Variants in HIGD1C observed in about 807,000 individuals in gnomAD.
HIGD1C encodes HIG1 domain family member 1C.
HIGD1C carries 11 observed loss-of-function variants against 13.1 expected under a neutral mutation model. The ratio of observed to expected loss-of-function variants is 0.84; its 90% CI spans 0.53 to 1.39. The LOEUF (loss-of-function observed/expected upper bound fraction) is 1.39. Among genes scored for constraint, HIGD1C ranks in the 40% most tolerant of loss-of-function variants. The pLI is 0.00. For missense variants in HIGD1C, 110 were observed against 112.0 expected, an observed-to-expected ratio of 0.98 and a Z score of 0.08; for synonymous variants, 36 against 37.7, an observed-to-expected ratio of 0.95 and a Z score of 0.17.
At chr12:50,969,152 G>T (rs984631131) in intron 2 of HIGD1C, among the ~76,000 whole-genome samples, 1 of 151,506 alleles carries the variant, frequency 6.6e-6, no homozygotes, top group African/African-American at 2.4e-5. Flanking sequence ...AAATTAGCTG[G>T]GTGTGGTGGC....
At chr12:50,949,250 G>T (rs139936152), upstream of HIGD1C, 2 of 154,032 alleles carry the variant, frequency 1.3e-5, no homozygotes, top group Middle Eastern at 5.2e-4. Context: ...TCTCCCCCTT[G>T]TTCTTTTTGC....
upstream of HIGD1C, among the ~76,000 whole-genome samples, chr12:50,952,663 G>A (rs989923007): frequency 3.3e-5 from 5 of 152,146 alleles, no homozygotes; most frequent in South Asian, 4.1e-4. Flanking sequence ...CCCTGGGCGC[G>A]TGTGCAGCTC....
upstream of HIGD1C, among the ~76,000 whole-genome samples, chr12:50,950,132 G>T (rs1180165494): frequency 2.6e-5 from 4 of 152,256 alleles, no homozygotes; most frequent in Non-Finnish European, 5.9e-5. Context: ...CACAGCCCCA[G>T]TGTAAACAGA....
At chr12:50,962,943 G>A (rs1939394876) in intron 2 of HIGD1C, among the ~76,000 whole-genome samples, 1 of 152,114 alleles carries the variant, frequency 6.6e-6, no homozygotes. Flanking sequence ...TGTTTGAGGA[G>A]AAAAGCAACA....
the HIGD1C span, among the ~76,000 whole-genome samples, chr12:50,940,615 CAGG>C: frequency 6.6e-6 from 1 of 151,050 alleles, no homozygotes; most frequent in East Asian, 2.0e-4. Flanking sequence ...TCTCGCTACT[CAGG>C]AGGCTGAGGT....
intron 2 of HIGD1C, among the ~76,000 whole-genome samples, chr12:50,961,718 T>A (rs1160013377): frequency 2.0e-5 from 3 of 152,312 alleles, no homozygotes; most frequent in East Asian, 3.9e-4. Context: ...AGGACCTAAA[T>A]TAATCTAAAT....
the HIGD1C span, chr12:50,935,530 C>T: frequency 4.6e-5 from 7 of 152,124 alleles, no homozygotes; most frequent in African/African-American, 1.2e-4. Flanking sequence ...CCTCTGTGGC[C>T]CAGGCTGTAA....
intron 1 of HIGD1C, among the ~76,000 whole-genome samples, chr12:50,958,237 A>C (rs1294990860): frequency 6.6e-6 from 1 of 151,946 alleles, no homozygotes; most frequent in Admixed American, 6.6e-5. Flanking sequence ...AACTTATTCT[A>C]AATCTTATAT....
At chr12:50,960,848 A>AT in intron 1 of HIGD1C, 120 bp from the exon 4 acceptor site, 3 of 786,744 alleles carry the variant, frequency 3.8e-6, no homozygotes, top group South Asian at 2.2e-5. Flanking sequence ...ATGTGTGGCT[A>AT]ATTTTTTTTT....
the HIGD1C span, among the ~76,000 whole-genome samples, chr12:50,945,408 G>A: frequency 6.6e-6 from 1 of 152,134 alleles, no homozygotes; most frequent in African/African-American, 2.4e-5. Context: ...AAATCAATGT[G>A]CAAAAATCAT....
the HIGD1C span, among the ~76,000 whole-genome samples, chr12:50,947,265 A>G: frequency 6.6e-6 from 1 of 152,212 alleles, no homozygotes; most frequent in African/African-American, 2.4e-5. Flanking sequence ...TAAGTGGCTT[A>G]AAACACCACA....
At chr12:50,952,924 G>C (rs894181425), upstream of HIGD1C, among the ~76,000 whole-genome samples, 3 of 152,108 alleles carry the variant, frequency 2.0e-5, no homozygotes, top group African/African-American at 7.2e-5. Context: ...AGACTCAACA[G>C]TCACAGAGGG....
intron 2 of HIGD1C, 108 bp from the exon 5 acceptor site, chr12:50,970,334 T>C (rs1939716637): frequency 1.4e-6 from 1 of 706,404 alleles, no homozygotes; most frequent in Non-Finnish European, 2.5e-6. Flanking sequence ...GGCCTTTGTT[T>C]GTTTCTGTTT....
At chr12:50,970,590 T>C, downstream of HIGD1C, 1 of 795,846 alleles carries the variant, frequency 1.3e-6, no homozygotes, top group South Asian at 1.5e-5. Flanking sequence ...TGTAGCAAAT[T>C]TTACTACACA....
the HIGD1C span, among the ~76,000 whole-genome samples, chr12:50,941,240 G>A: frequency 6.6e-6 from 1 of 152,076 alleles, no homozygotes; most frequent in African/African-American, 2.4e-5. Flanking sequence ...CCTCCGCCTC[G>A]ATCTCCCAAA....
the HIGD1C span, among the ~76,000 whole-genome samples, chr12:50,938,327 TGC>T: frequency 6.6e-6 from 1 of 152,176 alleles, no homozygotes; most frequent in Non-Finnish European, 1.5e-5. Flanking sequence ...GTTGTGACAG[TGC>T]TGGAGCTTGG....
chr12:50,961,046 A>G, exon 2 of HIGD1C: 1 of 1,613,660 alleles, frequency 6.2e-7, no homozygotes, highest in Non-Finnish European at 8.5e-7. Flanking sequence ...ATGTCAATTC[A>G]TCTTATTCAC....
At chr12:50,950,894 G>T (rs1017752223), upstream of HIGD1C, among the ~76,000 whole-genome samples, 1 of 151,820 alleles carries the variant, frequency 6.6e-6, no homozygotes, top group South Asian at 2.1e-4. Flanking sequence ...TAGCCCGGCT[G>T]GTCTTGAACT....
chr12:50,955,784 G>A (rs564407869), intron 1 of HIGD1C, among the ~76,000 whole-genome samples: 196 of 152,104 alleles, frequency 1.3e-3, no homozygotes, highest in Non-Finnish European at 1.6e-3. Context: ...AAAAAAATTC[G>A]AAAACTCAAT....
Sources: gnomAD v4.1 joint callset for allele counts (sites outside exome capture counted in the v4.1 genomes callset) on GRCh38, gnomAD v4.1.1 for gene constraint, MANE v1.5 for transcripts, NCBI Gene and HGNC (gene_info 2026-07-23, HGNC 2026-07-21) for gene names.